The following SGSM2 variants were observed in gnomAD, a reference collection of about 807,000 sequenced individuals.
SGSM2 encodes RUN and TBC1 domain containing 1.
A neutral mutation model predicts 126.6 loss-of-function variants in SGSM2; 89 were observed. That is an observed-to-expected ratio of 0.70 (90% confidence interval 0.59 to 0.84). SGSM2 has a LOEUF of 0.84. Among genes scored for constraint, SGSM2 ranks in the 40% least tolerant of loss-of-function variants. The probability of loss-of-function intolerance (pLI) is 0.00; values close to 1 mark genes in which losing one functional copy is unlikely to be tolerated. For missense variants in SGSM2, 1,404 were observed against 1,416.6 expected (o/e 0.99, Z 0.14); for synonymous variants, 614 against 574.3 (o/e 1.07, Z -0.99).
intron 1 of SGSM2, among the ~76,000 whole-genome samples, chr17:2,342,809 G>A (rs576967046): frequency 3.3e-5 from 5 of 152,134 alleles, no homozygotes; most frequent in African/African-American, 9.6e-5. Flanking sequence ...AAACCCCATC[G>A]TTACTAAAAA....
intron 2 of SGSM2, among the ~76,000 whole-genome samples, chr17:2,355,299 C>T (rs2065051073): frequency 3.0e-5 from 2 of 66,696 alleles, no homozygotes; most frequent in Non-Finnish European, 6.5e-5. Flanking sequence ...GGGGAAGGGG[C>T]CCCATATCTT....
Position 2,361,624 on chromosome 17 carries a change from C to T in SGSM2, c.134-13C>T, listed in dbSNP as rs771740973. The T allele has an allele frequency of 1.2e-6, 2 of 1,612,900 alleles. No individual in the cohort carries two copies. Among genetic ancestry groups the T allele is most frequent in the Admixed American group, 3.3e-5 (2 of 59,906 alleles). On this transcript the variant is annotated splice_polypyrimidine_tract_variant and intron_variant, in intron 2 of 23. Coordinates refer to ENST00000268989, the MANE Select transcript of SGSM2 (RefSeq NM_014853.3). ...TTTCCCAGGCTCAGATGCCGTTTCC[C>T]TTTGTGGCCTAGGTGCAGTGGAGGC...
chr17:2,364,059 A>G lies in SGSM2; in HGVS notation c.808A>G (p.Lys270Glu), dbSNP rs1030146237. ...GGTCTTCCGGTGTCTCCCGCTGTAGAAGGAGGATATGGAGGCGGTCCCTGG... is the reference window on the plus strand; with the variant it reads ...GGTCTTCCGGTGTCTCCCGCTGTAGGAGGAGGATATGGAGGCGGTCCCTGG... The part of the protein sequence containing the change: ...YGKNHVLVQP[K>E]EDMEAVPGYL... The change falls in exon 8 of 24, where the codon AAG becomes GAG. Residue 270 changes from lysine (K) to glutamate (E), a missense_variant and splice_region_variant. By Grantham distance (56) the Lys-to-Glu change is moderately conservative (BLOSUM62 1). Transcript: ENST00000268989. 2.1e-5 allele frequency: 34 copies of G among 1,613,746 alleles called. No individual in the cohort carries two copies. The Middle Eastern group carries it at 4.9e-4, about 23-fold the overall frequency.
At chr17:2,369,976 C>T (rs1042738852) in intron 12 of SGSM2, among the ~76,000 whole-genome samples, 3 of 152,208 alleles carry the variant, frequency 2.0e-5, no homozygotes, top group African/African-American at 7.2e-5. Flanking sequence ...AACTCCCGGC[C>T]GTGGGTCTGG....
At position 2,380,211 on chromosome 17, in the gene SGSM2, C is replaced by G. The variant is rs2066354188; in HGVS notation, c.*691C>G. 1.3e-6 allele frequency: 2 copies of G among 1,535,104 alleles called. No homozygotes were observed. The highest frequency in any genetic ancestry group is 1.7e-6 in the Non-Finnish European group (2 of 1,146,088). On this transcript the variant is annotated 3_prime_UTR_variant, in exon 24 of 24. Coordinates refer to ENST00000268989, the MANE Select transcript of SGSM2 (RefSeq NM_014853.3). The stretch of plus-strand genomic sequence containing the variant: ...CTCCCCGGCCTTGTACAGTGTACCT[C>G]TGTGTATCTGTACAGCCTCGCTCCT...
rs947935027 is a variant in SGSM2 at position 2,372,885 on chromosome 17, T to C, written c.1789-68T>C. On this transcript the variant is annotated intron_variant, in intron 15 of 23. Coordinates refer to ENST00000268989, the MANE Select transcript of SGSM2 (RefSeq NM_014853.3). This position sits in a 1 kb window ranked among gnomAD's most constrained non-coding sequence, Gnocchi z 6.0. ...CCGCCCCAGCCCATTCTCCGTGGGA[T>C]GGGGCTCACCCAGCTGGGCCACGGT... 14 of 1,528,924 alleles carry C rather than the reference T, an allele frequency of 9.2e-6. No homozygotes were observed. The highest frequency in any genetic ancestry group is 1.2e-5 in the Non-Finnish European group (14 of 1,134,160). The allele number at this position is 1,528,924 out of a possible 1,614,324, so 94.7% of individuals were successfully genotyped here.
chr17:2,340,728 G>A (rs951395706), intron 1 of SGSM2, among the ~76,000 whole-genome samples: 2 of 151,970 alleles, frequency 1.3e-5, no homozygotes, highest in African/African-American at 2.4e-5. Context: ...GGGACTACAG[G>A]CGCCTGCCAC....
intron 2 of SGSM2, among the ~76,000 whole-genome samples, chr17:2,351,861 T>C (rs2064869199): frequency 6.6e-6 from 1 of 152,196 alleles, no homozygotes. Context: ...AATGTTGCTT[T>C]CTTGTTTTGG....
In SGSM2 at chr17:2,375,768, G is replaced by A. The variant is rs1453168361; in HGVS notation, c.2377G>A (p.Ala793Thr). ...GEEGSSGPGP[A>T]AHTLREPQDP... Reference sequence around the variant, plus strand: ...GGAAGGCTCCAGTGGGCCCGGCCCTGCAGCTCACACTTTGAGGGAGCCCCA... The same window carrying A: ...GGAAGGCTCCAGTGGGCCCGGCCCTACAGCTCACACTTTGAGGGAGCCCCA... The change falls in exon 18 of 24, where the codon GCA becomes ACA. Residue 793 changes from alanine (A) to threonine (T), a missense_variant. Physicochemically the swap from Ala to Thr is moderately conservative, Grantham distance 58. Transcript: ENST00000268989. 1 of 1,597,536 alleles carries A rather than the reference G, an allele frequency of 6.3e-7. No individual in the cohort carries two copies. Among genetic ancestry groups the A allele is most frequent in the Non-Finnish European group, 8.5e-7 (1 of 1,170,516 alleles).
In SGSM2 at chr17:2,373,433, C is replaced by T. The variant is rs148765887; in HGVS notation, c.2020C>T (p.Arg674Cys). 2.8e-4 allele frequency: 456 copies of T among 1,611,314 alleles called. No homozygotes were observed. The highest frequency in any genetic ancestry group is 4.7e-4 in the East Asian group (21 of 44,844). ...QREREAHPAT[R>C]TKFSSGSSID... ...GGAGCGGGAGGCCCACCCAGCCACACGCACCAAGTTCTCCTCAGGCAGCAG... is the reference window on the plus strand; with the variant it reads ...GGAGCGGGAGGCCCACCCAGCCACATGCACCAAGTTCTCCTCAGGCAGCAG... Residue 674 changes from arginine to cysteine, a missense_variant, in exon 17 of 24, where the codon CGC becomes TGC. Physicochemically the swap from Arg to Cys is radical, Grantham distance 180. Transcript: ENST00000268989.
In SGSM2 at chr17:2,367,158, C is replaced by A; in HGVS notation, c.1289-113C>A. The stretch of plus-strand genomic sequence containing the variant: ...TCCCCTCCCTTCCCCTCTTCTGTGC[C>A]CTGCAGATTCACGATGACCCCGGCC... On this transcript the variant is annotated intron_variant, in intron 11 of 23. Coordinates refer to ENST00000268989, the MANE Select transcript of SGSM2 (RefSeq NM_014853.3). This position sits in a 1 kb window ranked among gnomAD's most constrained non-coding sequence, Gnocchi z 4.0. The A allele has an allele frequency of 8.1e-7, 1 of 1,231,920 alleles. No individual in the cohort carries two copies. Among genetic ancestry groups the A allele is most frequent in the Non-Finnish European group, 1.1e-6 (1 of 900,288 alleles). 76.3% of individuals were successfully genotyped at this position (1,231,920 alleles called of 1,614,324 possible).
intron 19 of SGSM2, 130 bp from the exon 20 acceptor site, chr17:2,376,603 C>A: frequency 1.0e-6 from 1 of 992,348 alleles, no homozygotes; most frequent in Non-Finnish European, 1.6e-6. Flanking sequence ...GGGGGGTGCA[C>A]AGTACATGCC....
At position 2,372,818 on chromosome 17, in the gene SGSM2, C is replaced by T. The variant is rs1445031165; in HGVS notation, c.1789-135C>T. 4.7e-6 allele frequency: 6 copies of T among 1,273,518 alleles called. No homozygotes were observed. Among genetic ancestry groups the T allele is most frequent in the Non-Finnish European group, 6.4e-6 (6 of 938,504 alleles). The allele number at this position is 1,273,518 out of a possible 1,614,324, so 78.9% of individuals were successfully genotyped here. A position where few individuals can be genotyped will look rare whatever the true frequency, so the allele number is the denominator to read the frequency against. ...TGGGGCACGGGAGGACGTGGCCACC[C>T]CAAAGCAGGCCTTGCCTGGGCTTCA... On this transcript the variant is annotated intron_variant, in intron 15 of 23. Transcript: ENST00000268989. This position sits in a 1 kb window ranked among gnomAD's most constrained non-coding sequence, Gnocchi z 6.0.
Position 2,376,984 on chromosome 17 carries a change from C to T in SGSM2, c.2718C>T (p.Ser906=), listed in dbSNP as rs1380828429. 1 of 1,613,746 alleles carries T rather than the reference C, an allele frequency of 6.2e-7. No individual in the cohort carries two copies. The highest frequency in any genetic ancestry group is 8.5e-7 in the Non-Finnish European group (1 of 1,179,834). ...DNDQLAYSCF[S]HLMKRMSQNF... The stretch of plus-strand genomic sequence containing the variant: ...ATCAGCTGGCCTACAGCTGCTTCAG[C>T]CACCTCATGAAGAGGATGAGCCAGA... The change falls in exon 21 of 24, where the codon AGC becomes AGT. Residue 906 remains serine, a synonymous_variant. Transcript: ENST00000268989.
chr17:2,372,333 C>T lies in SGSM2; in HGVS notation c.1643-10C>T. On this transcript the variant is annotated splice_polypyrimidine_tract_variant and intron_variant, in intron 14 of 23. Transcript: ENST00000268989. This position sits in a 1 kb window ranked among gnomAD's most constrained non-coding sequence, Gnocchi z 6.0. ...CCCAGCCTCCTGCTGCCCACCGCTGCCCACCGCAGGGCTGGCACACTGCCG... is the reference window on the plus strand; with the variant it reads ...CCCAGCCTCCTGCTGCCCACCGCTGTCCACCGCAGGGCTGGCACACTGCCG... 6.2e-7 allele frequency: 1 copy of T among 1,602,956 alleles called. No individual in the cohort carries two copies.
chr17:2,354,603 C>T (rs2065012906), intron 2 of SGSM2, among the ~76,000 whole-genome samples: 2 of 152,206 alleles, frequency 1.3e-5, no homozygotes, highest in African/African-American at 4.8e-5. Context: ...ACTAAATAAT[C>T]ACGCAGTTAT....
chr17:2,350,041 C>T (rs2064784264), intron 2 of SGSM2, among the ~76,000 whole-genome samples: 1 of 151,940 alleles, frequency 6.6e-6, no homozygotes, highest in African/African-American at 2.4e-5. Context: ...CCCACCTCGG[C>T]CTCCCAAAGT....
chr17:2,366,322 G>A (rs2065583281), intron 11 of SGSM2, among the ~76,000 whole-genome samples: 2 of 152,176 alleles, frequency 1.3e-5, no homozygotes, highest in African/African-American at 2.4e-5. Context: ...TGCTGCTGCT[G>A]CCCATAGGCT....
rs1454838939 is a variant in SGSM2 at position 2,379,175 on chromosome 17, C to G, written c.3039C>G (p.Asp1013Glu). 2 of 1,614,032 alleles carry G rather than the reference C, an allele frequency of 1.2e-6. No individual in the cohort carries two copies. The highest frequency in any genetic ancestry group is 1.7e-6 in the Non-Finnish European group (2 of 1,180,022). ...AGATCATCCGTGACAACAACATGGA[C>G]TTCACTGACATCATCAAGTTTTTCA... ...YREIIRDNNM[D>E]FTDIIKFFNE... The change falls in exon 23 of 24, where the codon GAC (aspartate) becomes GAG (glutamate). Residue 1013 changes from aspartate (D) to glutamate (E), a missense_variant. By Grantham distance (45) the Asp-to-Glu change is conservative (BLOSUM62 2). Coordinates refer to ENST00000268989, the MANE Select transcript of SGSM2 (RefSeq NM_014853.3).
Sources: gnomAD v4.1 joint callset for allele counts (sites outside exome capture counted in the v4.1 genomes callset) on GRCh38, gnomAD v4.1.1 for gene constraint, Gnocchi (gnomAD v3.1) non-coding constraint, MANE v1.5 for transcripts, NCBI Gene and HGNC (gene_info 2026-07-23, HGNC 2026-07-21) for gene names.